The following PLS1 variants were observed in gnomAD, a reference collection of about 807,000 sequenced individuals.
The protein encoded by PLS1 is plastin-1.
In PLS1, 32 loss-of-function variants were observed where a neutral mutation model predicts 73.7. The observed-to-expected ratio is 0.43, with a 90% confidence interval of 0.33 to 0.58. PLS1 has a LOEUF of 0.58. Among genes scored for constraint, PLS1 ranks in the 20% least tolerant of loss-of-function variants. The pLI is 0.04. For synonymous variants in PLS1, 217 were observed against 261.3 expected (o/e 0.83, Z 1.63); for missense variants, 633 against 740.5 (o/e 0.85, Z 1.68).
chr3:142,709,129 ATT>A (rs1446704991), intron 14 of PLS1, among the ~76,000 whole-genome samples: 5 of 152,362 alleles, frequency 3.3e-5, no homozygotes, highest in Admixed American at 3.3e-4. Context: ...AGAATGAAAT[ATT>A]GTTTTTAGAA....
intron 1 of PLS1, among the ~76,000 whole-genome samples, chr3:142,617,702 G>A (rs1166035957): frequency 6.6e-6 from 1 of 152,134 alleles, no homozygotes; most frequent in Non-Finnish European, 1.5e-5. Context: ...ACCTGGCCGG[G>A]CATAATGGCT....
chr3:142,678,813 G>A (rs2037780383), intron 6 of PLS1, among the ~76,000 whole-genome samples: 4 of 151,460 alleles, frequency 2.6e-5, no homozygotes, highest in Admixed American at 2.6e-4. Context: ...GGGTCAAATG[G>A]TATTTCTAGT....
At chr3:142,694,582 G>C (rs1229737670) in intron 11 of PLS1, 35 bp downstream of exon 11, 2 of 1,262,880 alleles carry the variant, frequency 1.6e-6, no homozygotes, top group Non-Finnish European at 2.3e-6. Context: ...TTTACTGTCA[G>C]GGTCCAACTT....
chr3:142,682,152 A>G (rs1275491548), intron 6 of PLS1, among the ~76,000 whole-genome samples: 2 of 152,166 alleles, frequency 1.3e-5, no homozygotes, highest in South Asian at 4.1e-4. Context: ...CAAGAGGGCA[A>G]GATTGGGCAA....
At chr3:142,683,532 C>T (rs2107887706) in intron 6 of PLS1, among the ~76,000 whole-genome samples, 1 of 152,204 alleles carries the variant, frequency 6.6e-6, no homozygotes, top group African/African-American at 2.4e-5. Context: ...AGAGGATGGG[C>T]TCGGGAGACC....
At chr3:142,668,344 A>T (rs979032296) in intron 2 of PLS1, among the ~76,000 whole-genome samples, 50 of 152,176 alleles carry the variant, frequency 3.3e-4, no homozygotes, top group African/African-American at 1.1e-3. Context: ...TGAACACCTA[A>T]TCTCAAATGA....
intron 6 of PLS1, among the ~76,000 whole-genome samples, chr3:142,680,524 C>T (rs901037050): frequency 1.3e-5 from 2 of 152,140 alleles, no homozygotes; most frequent in Non-Finnish European, 2.9e-5. Flanking sequence ...GATGCCAGTG[C>T]TCTTATTAGG....
intron 12 of PLS1, among the ~76,000 whole-genome samples, chr3:142,700,544 T>C (rs931777866): frequency 1.3e-5 from 2 of 152,148 alleles, no homozygotes; most frequent in African/African-American, 2.4e-5. Flanking sequence ...AGGATGGTCT[T>C]GTCTCCTGAC....
chr3:142,662,708 G>A (rs2037397108), intron 1 of PLS1, among the ~76,000 whole-genome samples: 1 of 152,188 alleles, frequency 6.6e-6, no homozygotes. Flanking sequence ...AGCATTATTT[G>A]TAATGAAAAA....
chr3:142,638,676 G>T (rs2036758687), intron 1 of PLS1, among the ~76,000 whole-genome samples: 1 of 151,960 alleles, frequency 6.6e-6, no homozygotes, highest in African/African-American at 2.4e-5. Context: ...GAATTCCCAG[G>T]CCTCAAAATT....
intron 11 of PLS1, among the ~76,000 whole-genome samples, chr3:142,695,761 CTTATTTATTTATTTATTTATTTAT>C (rs55888631): frequency 0.019 from 1,746 of 94,270 alleles, 28 homozygotes; most frequent in African/African-American, 0.069. Context: ...AGGAGACTTA[CTTATTTATTTATTTATTTATTTAT>C]TTATTTATTT....
At chr3:142,668,380 A>G (rs1200097795) in intron 2 of PLS1, among the ~76,000 whole-genome samples, 2 of 152,206 alleles carry the variant, frequency 1.3e-5, no homozygotes, top group East Asian at 3.8e-4. Context: ...AGCATACGTA[A>G]TGGTATCATG....
intron 1 of PLS1, among the ~76,000 whole-genome samples, chr3:142,600,949 A>G (rs1199308683): frequency 1.6e-5 from 1 of 64,124 alleles, no homozygotes; most frequent in African/African-American, 7.2e-5. Context: ...TTTGAGACGG[A>G]GTCTCGCTCT....
chr3:142,676,483 A>G (rs556109226), intron 5 of PLS1, among the ~76,000 whole-genome samples, 194 bp downstream of exon 5: 4 of 152,314 alleles, frequency 2.6e-5, no homozygotes, highest in African/African-American at 9.6e-5. Flanking sequence ...TTCAAATACA[A>G]TCCCTTGTTT....
chr3:142,672,579 A>G (rs565261388), intron 4 of PLS1, among the ~76,000 whole-genome samples: 1 of 151,992 alleles, frequency 6.6e-6, no homozygotes, highest in Admixed American at 6.6e-5. Context: ...TCCTGACCTC[A>G]TGATCCACCC....
intron 1 of PLS1, among the ~76,000 whole-genome samples, chr3:142,641,314 T>G (rs1291186915): frequency 6.8e-6 from 1 of 146,920 alleles, no homozygotes; most frequent in Non-Finnish European, 1.5e-5. Context: ...AATATATATA[T>G]TTATGTTAAG....
At chr3:142,657,383 G>A (rs1178259214) in intron 1 of PLS1, among the ~76,000 whole-genome samples, 3 of 152,192 alleles carry the variant, frequency 2.0e-5, no homozygotes, top group Non-Finnish European at 4.4e-5. Context: ...GGAGGTTCAT[G>A]CTTCTTCCCA....
At position 142,713,583 on chromosome 3, in the gene PLS1, T is replaced by C. The variant is rs1933234281; in HGVS notation, c.*1576T>C. ...TTTCACCATTGTATTTACTAAGTTA[T>C]TGGATTTACATGAAATCTGGCACTT... On this transcript the variant is annotated 3_prime_UTR_variant, in exon 16 of 16. Transcript: ENST00000457734. 2.0e-5 allele frequency: 3 copies of C among 152,606 alleles called. No individual in the cohort carries two copies. Among genetic ancestry groups the C allele is most frequent in the Non-Finnish European group, 2.9e-5 (2 of 68,022 alleles). The allele number at this position is 152,606 out of a possible 1,614,324, so 9.5% of individuals were successfully genotyped here. A position where few individuals can be genotyped will look rare whatever the true frequency, so the allele number is the denominator to read the frequency against.
At chr3:142,635,566 A>G (rs7631313) in intron 1 of PLS1, among the ~76,000 whole-genome samples, 91,692 of 151,990 alleles carry the variant, frequency 0.6, 28,333 homozygotes, top group African/African-American at 0.73. Flanking sequence ...TCGTGCCACT[A>G]CACGCCAGCC....
Sources: gnomAD v4.1 joint callset for allele counts (sites outside exome capture counted in the v4.1 genomes callset) on GRCh38, gnomAD v4.1.1 for gene constraint, MANE v1.5 for transcripts, NCBI Gene and HGNC (gene_info 2026-07-23, HGNC 2026-07-21) for gene names.